The following RBFOX1 variants were observed in gnomAD, a reference collection of about 807,000 sequenced individuals.
The protein encoded by RBFOX1 is RNA binding protein fox-1 homolog 1.
In RBFOX1, 8 loss-of-function variants were observed where a neutral mutation model predicts 57.7. That is an observed-to-expected ratio of 0.14 (90% CI 0.08 to 0.25). RBFOX1 has a LOEUF of 0.25. RBFOX1 is among the 10% of genes least tolerant of loss of function. RBFOX1 has a pLI of 1.00. For missense variants in RBFOX1, 611 were observed against 548.5 expected (o/e 1.11, Z -1.14); for synonymous variants, 326 against 222.4 (o/e 1.47, Z -4.15).
chr16:6,838,175 C>A (rs1217295710), intron 3 of RBFOX1, among the ~76,000 whole-genome samples: 1 of 152,094 alleles, frequency 6.6e-6, no homozygotes, highest in African/African-American at 2.4e-5. Context: ...CTCTACCTCC[C>A]CTTGCCCCCT....
chr16:5,486,657 C>G (rs1273461520), intron 2 of RBFOX1, among the ~76,000 whole-genome samples: 1 of 152,168 alleles, frequency 6.6e-6, no homozygotes, highest in Admixed American at 6.5e-5. Context: ...TCCATCAGGT[C>G]TCAGTCTTGT....
intron 3 of RBFOX1, among the ~76,000 whole-genome samples, chr16:6,969,206 C>G (rs972899722): frequency 6.6e-5 from 10 of 152,136 alleles, no homozygotes; most frequent in Non-Finnish European, 1.3e-4. Flanking sequence ...CATTCCCAGT[C>G]CTTCACCTGT....
intron 3 of RBFOX1, among the ~76,000 whole-genome samples, chr16:6,942,777 A>T (rs2078780616): frequency 6.6e-6 from 1 of 152,126 alleles, no homozygotes; most frequent in Non-Finnish European, 1.5e-5. Flanking sequence ...ATAAGGGCAA[A>T]TGGTTTTTAT....
chr16:6,463,389 AAT>A (rs1264063507), intron 2 of RBFOX1, among the ~76,000 whole-genome samples: 12 of 152,112 alleles, frequency 7.9e-5, no homozygotes, highest in Non-Finnish European at 1.8e-4. Context: ...TTTGCCTACT[AAT>A]ATATTTTAGC....
At chr16:6,721,429 C>G (rs144915241) in intron 3 of RBFOX1, among the ~76,000 whole-genome samples, 1 of 152,134 alleles carries the variant, frequency 6.6e-6, no homozygotes, top group Admixed American at 6.5e-5. Context: ...GGGGACAGAG[C>G]GAGACTCTGT....
intron 4 of RBFOX1, among the ~76,000 whole-genome samples, chr16:7,228,603 G>T (rs1275088213): frequency 1.3e-5 from 2 of 152,202 alleles, no homozygotes; most frequent in East Asian, 1.9e-4. Flanking sequence ...AGGGAGTAGA[G>T]ACCTGATTCA....
intron 3 of RBFOX1, among the ~76,000 whole-genome samples, chr16:6,804,886 C>G (rs960260730): frequency 6.6e-6 from 1 of 152,108 alleles, no homozygotes; most frequent in Non-Finnish European, 1.5e-5. Flanking sequence ...CCATGTGTCC[C>G]AAACATTAAC....
At chr16:7,410,209 A>G (rs1211230413) in intron 4 of RBFOX1, among the ~76,000 whole-genome samples, 13 of 152,262 alleles carry the variant, frequency 8.5e-5, no homozygotes, top group Middle Eastern at 3.4e-3. Flanking sequence ...GGTGACCGCT[A>G]TGGTCCAGGC....
intron 3 of RBFOX1, among the ~76,000 whole-genome samples, chr16:6,900,647 C>G (rs917903692): frequency 6.6e-6 from 1 of 152,188 alleles, no homozygotes; most frequent in Non-Finnish European, 1.5e-5. Flanking sequence ...GAATTCTACC[C>G]TTCTTGACCT....
At chr16:7,051,122 G>GT (rs1319368620) in intron 3 of RBFOX1, among the ~76,000 whole-genome samples, 1 of 151,756 alleles carries the variant, frequency 6.6e-6, no homozygotes, top group African/African-American at 2.4e-5. Context: ...TGTTTCACTG[G>GT]TTAAAAAAAA....
At chr16:5,743,562 G>A (rs1186567146) in intron 3 of RBFOX1, among the ~76,000 whole-genome samples, 1 of 152,128 alleles carries the variant, frequency 6.6e-6, no homozygotes, top group African/African-American at 2.4e-5. Flanking sequence ...TGCATGTTGT[G>A]TTAAGTAAAA....
chr16:7,549,498 C>T (rs533498392), intron 5 of RBFOX1, among the ~76,000 whole-genome samples: 9 of 152,202 alleles, frequency 5.9e-5, no homozygotes, highest in Non-Finnish European at 8.8e-5. Context: ...AATTGACTCA[C>T]GTGATTACAA....
chr16:7,217,014 TCCC>T (rs1567748324), intron 4 of RBFOX1, among the ~76,000 whole-genome samples: 17 of 11,674 alleles, frequency 1.5e-3, no homozygotes, highest in African/African-American at 4.1e-3. Flanking sequence ...CTCCCTTCCC[TCCC>T]TCCCTCCCTC....
chr16:6,838,651 C>G (rs544056706), intron 3 of RBFOX1, among the ~76,000 whole-genome samples: 9 of 152,160 alleles, frequency 5.9e-5, no homozygotes, highest in Middle Eastern at 3.2e-3. Flanking sequence ...CTGGTTTGTC[C>G]TAGAATTCTT....
At chr16:6,671,550 T>A (rs2098765020) in intron 3 of RBFOX1, among the ~76,000 whole-genome samples, 1 of 152,186 alleles carries the variant, frequency 6.6e-6, no homozygotes, top group Non-Finnish European at 1.5e-5. Flanking sequence ...GCAAGTTCCT[T>A]AGTCTTTCTG....
intron 5 of RBFOX1, among the ~76,000 whole-genome samples, chr16:7,529,260 C>CAAA (rs2079420041): frequency 6.6e-6 from 1 of 152,150 alleles, no homozygotes. Flanking sequence ...GACTCTGTCT[C>CAAA]AAAAACAACA....
At position 6,291,688 on chromosome 16, in the gene RBFOX1, GAGAC is replaced by G. The variant is rs1465655253; in HGVS notation, c.-126-25301_-126-25298del. 8.5e-5 allele frequency among the ~76,000 whole-genome samples: 13 copies of G among 152,210 alleles called. No individual in the cohort carries two copies. The South Asian group carries it at 1.0e-3, about 12-fold the overall frequency. On this transcript the variant is annotated intron_variant, in intron 1 of 15. Transcript: ENST00000550418. ...TCTTATGTAAACATGCAGATTAGCT[GAGAC>G]AGACAAAGGCATAAATAATTATTTT... is the stretch of plus-strand genomic sequence containing the variant.
At chr16:7,359,970 C>A (rs1011630272) in intron 4 of RBFOX1, among the ~76,000 whole-genome samples, 2 of 147,706 alleles carry the variant, frequency 1.4e-5, no homozygotes, top group Non-Finnish European at 3.0e-5. Flanking sequence ...GGTGACAGAG[C>A]GAGACTCTGT....
At chr16:5,965,491 G>T (rs1236444873) in intron 4 of RBFOX1, among the ~76,000 whole-genome samples, 1 of 152,096 alleles carries the variant, frequency 6.6e-6, no homozygotes, top group Admixed American at 6.6e-5. Flanking sequence ...TAAGTGGCAT[G>T]CTTCAACTCA....
Sources: allele counts gnomAD v4.1 joint callset (sites outside exome capture counted in the v4.1 genomes callset), GRCh38; gene constraint gnomAD v4.1.1; transcripts MANE v1.5; gene names NCBI Gene and HGNC (gene_info 2026-07-23, HGNC 2026-07-21).